Variants in MDGA2 observed in about 807,000 individuals in gnomAD.
MDGA2 encodes the protein MAM domain containing glycosylphosphatidylinositol anchor 2.
A neutral mutation model predicts 117.8 loss-of-function variants in MDGA2; 40 were observed. The observed-to-expected ratio is 0.34, with a 90% CI of 0.26 to 0.44. MDGA2 has a LOEUF of 0.44. Ranked by LOEUF, MDGA2 falls within the 20% of genes least tolerant of loss-of-function variation. The pLI, the probability that MDGA2 is intolerant of heterozygous loss-of-function variation, is 1.00. For synonymous variants in MDGA2, 452 were observed against 439.0 expected (o/e 1.03, Z -0.37); for missense variants, 1,123 against 1,250.6 (o/e 0.90, Z 1.54).
At chr14:47,107,463 C>A (rs369272904) in intron 5 of MDGA2, among the ~76,000 whole-genome samples, 1 of 152,054 alleles carries the variant, frequency 6.6e-6, no homozygotes, top group Non-Finnish European at 1.5e-5. Context: ...TTCCTTTGCA[C>A]CCTTAATCCC....
chr14:47,558,986 A>G lies in MDGA2; in HGVS notation c.280+115531T>C, dbSNP rs191863700. ...ACATATGATTCTGCAAAAGAGCTTT[A>G]TATTAAATTGTTTGAGATTTTATAC... On this transcript the variant is annotated intron_variant, in intron 1 of 16. Transcript: ENST00000399232. 2.6e-5 allele frequency among the ~76,000 whole-genome samples: 4 copies of G among 152,352 alleles called. No homozygotes were observed. The East Asian group carries it at 5.8e-4, about 22-fold the overall frequency.
intron 4 of MDGA2, among the ~76,000 whole-genome samples, chr14:47,142,582 T>C (rs964692623): frequency 1.3e-5 from 2 of 152,338 alleles, no homozygotes; most frequent in African/African-American, 4.8e-5. Context: ...TTCTAAATCT[T>C]AATGTCCATA....
At chr14:47,147,773 T>C (rs1883003793) in intron 3 of MDGA2, among the ~76,000 whole-genome samples, 1 of 152,130 alleles carries the variant, frequency 6.6e-6, no homozygotes, top group Admixed American at 6.6e-5. Context: ...CTGGTTAGTC[T>C]CTTTCTGGGA....
chr14:47,319,397 C>T (rs1434186939), intron 1 of MDGA2, among the ~76,000 whole-genome samples: 1 of 152,010 alleles, frequency 6.6e-6, no homozygotes, highest in Non-Finnish European at 1.5e-5. Context: ...TTGTTTTTAC[C>T]CATTTCTAGA....
chr14:47,465,029 G>T (rs1364327193), intron 1 of MDGA2, among the ~76,000 whole-genome samples: 1 of 152,082 alleles, frequency 6.6e-6, no homozygotes, highest in Non-Finnish European at 1.5e-5. Flanking sequence ...ACAGAATAGA[G>T]AGCCCAGAAA....
intron 8 of MDGA2, among the ~76,000 whole-genome samples, chr14:46,984,585 C>CA (rs895466795): frequency 2.6e-5 from 4 of 151,872 alleles, no homozygotes; most frequent in Admixed American, 2.6e-4. Context: ...TTACATTTCT[C>CA]AAGAATACTT....
At chr14:47,673,232 G>A (rs745950971) in intron 1 of MDGA2, among the ~76,000 whole-genome samples, 6 of 152,160 alleles carry the variant, frequency 3.9e-5, no homozygotes, top group African/African-American at 2.4e-5. Flanking sequence ...CACCCACTGT[G>A]CACTCCGTTC....
At chr14:47,624,870 G>A (rs1294798512) in intron 1 of MDGA2, among the ~76,000 whole-genome samples, 1 of 152,088 alleles carries the variant, frequency 6.6e-6, no homozygotes, top group African/African-American at 2.4e-5. Context: ...TGCAAATGCA[G>A]GATAAGTGAA....
chr14:46,872,708 T>C (rs1235760603), intron 14 of MDGA2, among the ~76,000 whole-genome samples: 3 of 151,976 alleles, frequency 2.0e-5, no homozygotes, highest in Admixed American at 6.6e-5. Flanking sequence ...CAGGCTAACA[T>C]GTAATGTCAA....
intron 4 of MDGA2, among the ~76,000 whole-genome samples, chr14:47,140,413 T>C (rs999580761): frequency 3.3e-5 from 5 of 151,886 alleles, no homozygotes; most frequent in Admixed American, 1.3e-4. Context: ...GGCATCATAC[T>C]ATCTGACTTC....
intron 1 of MDGA2, among the ~76,000 whole-genome samples, chr14:47,592,806 C>T (rs1251048170): frequency 1.3e-5 from 2 of 152,106 alleles, no homozygotes; most frequent in African/African-American, 4.8e-5. Flanking sequence ...CTAGGCAATA[C>T]CATCTGGGAC....
chr14:47,140,706 T>C (rs1052528264), intron 4 of MDGA2, among the ~76,000 whole-genome samples: 4 of 152,114 alleles, frequency 2.6e-5, no homozygotes, highest in African/African-American at 9.7e-5. Context: ...GACTTAAATG[T>C]AAGACCTGAG....
At chr14:47,107,113 G>C (rs555248303) in intron 5 of MDGA2, among the ~76,000 whole-genome samples, 1 of 147,184 alleles carries the variant, frequency 6.8e-6, no homozygotes, top group Admixed American at 6.8e-5. Flanking sequence ...CTTGGCGACC[G>C]ATCATGCACC....
At chr14:47,103,905 C>T (rs1191180681) in intron 5 of MDGA2, among the ~76,000 whole-genome samples, 1 of 152,118 alleles carries the variant, frequency 6.6e-6, no homozygotes, top group South Asian at 2.1e-4. Context: ...AGATATCAGG[C>T]CCTGTGACAG....
rs76214410 is a variant in MDGA2 at position 47,379,867 on chromosome 14, C to A, written c.281-78317G>T. 2.5e-4 allele frequency among the ~76,000 whole-genome samples: 38 copies of A among 152,296 alleles called. No homozygotes were observed. In the East Asian group the frequency reaches 7.3e-3, roughly 29 times the overall value. ...GAACTGAACTCAGCTCTGCACCAAC[C>A]AGACCTAATAGACACCTACAGAACT... On this transcript the variant is annotated intron_variant, in intron 1 of 16. Coordinates refer to ENST00000399232, the MANE Select transcript of MDGA2 (RefSeq NM_001113498.3).
intron 14 of MDGA2, among the ~76,000 whole-genome samples, chr14:46,858,030 A>C (rs1881342655): frequency 6.6e-6 from 1 of 151,700 alleles, no homozygotes; most frequent in Non-Finnish European, 1.5e-5. Flanking sequence ...ATAAATCCTT[A>C]AATATATATG....
intron 1 of MDGA2, among the ~76,000 whole-genome samples, chr14:47,312,544 T>C (rs1889667861): frequency 6.6e-6 from 1 of 152,070 alleles, no homozygotes; most frequent in Admixed American, 6.6e-5. Context: ...ACAGTCCTTT[T>C]TGTTTTTTAA....
intron 4 of MDGA2, among the ~76,000 whole-genome samples, chr14:47,142,788 C>T (rs913139352): frequency 4.6e-5 from 7 of 152,080 alleles, no homozygotes; most frequent in Admixed American, 1.3e-4. Flanking sequence ...AATCAAGAGA[C>T]GATCAGATTA....
intron 2 of MDGA2, among the ~76,000 whole-genome samples, chr14:47,270,299 G>A (rs1171162647): frequency 1.3e-5 from 2 of 152,020 alleles, no homozygotes; most frequent in Non-Finnish European, 2.9e-5. Context: ...GCGTGTATGT[G>A]CAATCCTGAT....
Sources: gnomAD v4.1 joint callset for allele counts (sites outside exome capture counted in the v4.1 genomes callset) on GRCh38, gnomAD v4.1.1 for gene constraint, MANE v1.5 for transcripts, NCBI Gene and HGNC (gene_info 2026-07-23, HGNC 2026-07-21) for gene names.